SND1: variants seen among roughly 807,000 people sequenced by gnomAD.
The protein encoded by SND1 is staphylococcal nuclease and tudor domain containing 1.
SND1 carries 38 observed loss-of-function variants against 121.7 expected under a neutral mutation model. The ratio of observed to expected loss-of-function variants is 0.31; its 90% CI spans 0.24 to 0.41. SND1 has a LOEUF of 0.41. SND1 is among the 10% of genes least tolerant of loss of function. The probability of loss-of-function intolerance (pLI) is 1.00; values close to 1 mark genes in which losing one functional copy is unlikely to be tolerated. For missense variants in SND1, 868 were observed against 1,184.6 expected (o/e 0.73, Z 3.92); for synonymous variants, 401 against 447.4 (o/e 0.90, Z 1.31).
At chr7:128,024,720 TTGAC>T (rs1383047884) in intron 16 of SND1, among the ~76,000 whole-genome samples, 6 of 152,212 alleles carry the variant, frequency 3.9e-5, no homozygotes, top group South Asian at 2.1e-4. Context: ...TTTACCTCCA[TTGAC>T]GATAGGATGC....
intron 15 of SND1, among the ~76,000 whole-genome samples, chr7:127,967,204 G>A (rs974287461): frequency 6.6e-6 from 1 of 152,106 alleles, no homozygotes; most frequent in South Asian, 2.1e-4. Flanking sequence ...AGGTCGAAAC[G>A]GAGGCAATAC....
intron 16 of SND1, among the ~76,000 whole-genome samples, chr7:128,006,210 G>A (rs1292835740): frequency 1.3e-5 from 2 of 152,002 alleles, no homozygotes; most frequent in South Asian, 4.1e-4. Context: ...CTGCCCTAGA[G>A]AAACAAGCAT....
At chr7:128,090,768 C>G (rs1005146219) in intron 22 of SND1, among the ~76,000 whole-genome samples, 1 of 152,154 alleles carries the variant, frequency 6.6e-6, no homozygotes, top group Non-Finnish European at 1.5e-5. Context: ...CTCACTGGAA[C>G]AAGACACCCC....
chr7:127,895,942 G>A (rs1466243013), intron 13 of SND1, among the ~76,000 whole-genome samples: 1 of 151,978 alleles, frequency 6.6e-6, no homozygotes, highest in Non-Finnish European at 1.5e-5. Context: ...TTTTCTTTAT[G>A]ATTCATGAGG....
chr7:127,719,199 G>A (rs1796445511), intron 9 of SND1, among the ~76,000 whole-genome samples: 1 of 152,148 alleles, frequency 6.6e-6, no homozygotes, highest in African/African-American at 2.4e-5. Flanking sequence ...GATTTTGAAG[G>A]ACCAGGAAAT....
intron 16 of SND1, among the ~76,000 whole-genome samples, chr7:128,021,836 A>C (rs1445306307): frequency 1.3e-5 from 2 of 152,180 alleles, no homozygotes; most frequent in African/African-American, 2.4e-5. Context: ...AGTGTACTCA[A>C]ATGGGGAATA....
At chr7:127,758,311 T>C (rs1797236411) in intron 10 of SND1, among the ~76,000 whole-genome samples, 1 of 152,226 alleles carries the variant, frequency 6.6e-6, no homozygotes, top group Non-Finnish European at 1.5e-5. Context: ...ATTGTTGATC[T>C]TGCAACATTA....
intron 10 of SND1, among the ~76,000 whole-genome samples, chr7:127,732,085 C>T (rs73723058): frequency 6.6e-6 from 1 of 152,182 alleles, no homozygotes; most frequent in African/African-American, 2.4e-5. Flanking sequence ...GATGGTGGAT[C>T]TGGAGACTTC....
intron 1 of SND1, among the ~76,000 whole-genome samples, chr7:127,677,434 G>A (rs150596186): frequency 6.6e-6 from 1 of 152,258 alleles, no homozygotes; most frequent in African/African-American, 2.4e-5. Flanking sequence ...TTATAAAAAC[G>A]AGCAGTTTGT....
At chr7:128,002,980 T>C (rs967276027) in intron 16 of SND1, among the ~76,000 whole-genome samples, 4 of 152,178 alleles carry the variant, frequency 2.6e-5, no homozygotes, top group Non-Finnish European at 4.4e-5. Context: ...TCCAACACTT[T>C]GGAGGCCGAG....
chr7:127,769,669 T>G (rs1797480819), intron 10 of SND1, among the ~76,000 whole-genome samples: 1 of 149,948 alleles, frequency 6.7e-6, no homozygotes, highest in African/African-American at 2.4e-5. Flanking sequence ...GATGGAATCT[T>G]AAAAAAAAAA....
intron 10 of SND1, among the ~76,000 whole-genome samples, chr7:127,761,458 A>T (rs935644059): frequency 2.0e-5 from 3 of 150,726 alleles, no homozygotes; most frequent in African/African-American, 7.3e-5. Flanking sequence ...GAAAGTATCA[A>T]CCAAGGGAAG....
At position 128,042,590 on chromosome 7, in the gene SND1, G is replaced by A. The variant is rs763584355; in HGVS notation, c.1780-31912G>A. 2.0e-5 allele frequency: 3 copies of A among 152,284 alleles called. No individual in the cohort carries two copies. The South Asian group carries it at 6.2e-4, about 31-fold the overall frequency. 9.4% of individuals were successfully genotyped at this position (152,284 alleles called of 1,614,324 possible). Reference sequence around the variant, plus strand: ...CTCAGCACTGCTGCCCGTCCTGCCGGACTGGTCCTTCACTCTCTCCCCAAG... The same window carrying A: ...CTCAGCACTGCTGCCCGTCCTGCCGAACTGGTCCTTCACTCTCTCCCCAAG... On this transcript the variant is annotated intron_variant, in intron 16 of 23. Coordinates refer to ENST00000354725, the MANE Select transcript of SND1 (RefSeq NM_014390.4).
intron 12 of SND1, among the ~76,000 whole-genome samples, chr7:127,847,128 TGA>T (rs1261339177): frequency 2.0e-5 from 3 of 151,968 alleles, no homozygotes; most frequent in Non-Finnish European, 4.4e-5. Flanking sequence ...AAAAATTAGC[TGA>T]GTCTGGTGGC....
At chr7:127,785,710 C>G (rs1316939512) in intron 10 of SND1, among the ~76,000 whole-genome samples, 1 of 152,180 alleles carries the variant, frequency 6.6e-6, no homozygotes, top group African/African-American at 2.4e-5. Context: ...ATTGTATACT[C>G]AGTAGATATG....
chr7:127,934,820 A>G (rs1444030631), intron 15 of SND1, among the ~76,000 whole-genome samples: 1 of 152,194 alleles, frequency 6.6e-6, no homozygotes, highest in Non-Finnish European at 1.5e-5. Flanking sequence ...CCATCAGCAT[A>G]GAGGCAGTAA....
At chr7:127,702,249 G>A (rs1469600488) in intron 5 of SND1, among the ~76,000 whole-genome samples, 186 bp from the exon 6 acceptor site, 1 of 152,128 alleles carries the variant, frequency 6.6e-6, no homozygotes, top group Non-Finnish European at 1.5e-5. Context: ...CATTCTCCAG[G>A]AATCATTTAT....
chr7:127,707,419 G>C, intron 8 of SND1, 138 bp from the exon 9 acceptor site: 1 of 603,618 alleles, frequency 1.7e-6, no homozygotes, highest in South Asian at 2.3e-5. Flanking sequence ...CTCGCTCTTT[G>C]TTCTGGTTTG....
chr7:128,025,015 C>G (rs1027185146), intron 16 of SND1, among the ~76,000 whole-genome samples: 2 of 152,234 alleles, frequency 1.3e-5, no homozygotes, highest in Non-Finnish European at 1.5e-5. Flanking sequence ...TTACCTACTT[C>G]ACTCCTTCCC....
Sources: gnomAD v4.1 joint callset for allele counts (sites outside exome capture counted in the v4.1 genomes callset) on GRCh38, gnomAD v4.1.1 for gene constraint, MANE v1.5 for transcripts, NCBI Gene and HGNC (gene_info 2026-07-23, HGNC 2026-07-21) for gene names.